TTC7B: variants seen among roughly 807,000 people sequenced by gnomAD.
TTC7B encodes the protein tetratricopeptide repeat domain 7B.
Under a neutral mutation model 106.8 loss-of-function variants are expected in TTC7B, and 28 were observed. The observed-to-expected ratio is 0.26, with a 90% CI of 0.19 to 0.36. The LOEUF is 0.36. Ranked by LOEUF, TTC7B falls within the 10% of genes least tolerant of loss-of-function variation. The pLI is 1.00. For synonymous variants in TTC7B, 405 were observed against 430.6 expected (o/e 0.94, Z 0.74); for missense variants, 862 against 1,076.4 (o/e 0.80, Z 2.79).
chr14:90,650,719 G>A (rs923124647), intron 13 of TTC7B, among the ~76,000 whole-genome samples: 41 of 152,344 alleles, frequency 2.7e-4, no homozygotes, highest in African/African-American at 9.4e-4. Context: ...GGATGTGAGA[G>A]CCTGCAGAAG....
intron 19 of TTC7B, among the ~76,000 whole-genome samples, chr14:90,569,206 G>A (rs1269004193): frequency 1.3e-5 from 2 of 152,224 alleles, no homozygotes; most frequent in Non-Finnish European, 2.9e-5. Flanking sequence ...AAAGGCCTCG[G>A]TGCTGTGGAA....
chr14:90,750,998 A>C (rs1465444811), intron 3 of TTC7B, among the ~76,000 whole-genome samples: 1 of 152,252 alleles, frequency 6.6e-6, no homozygotes, highest in Admixed American at 6.5e-5. Flanking sequence ...GTCATGGACA[A>C]AATTGGTCCC....
chr14:90,599,491 G>A (rs1218816839), intron 17 of TTC7B, among the ~76,000 whole-genome samples: 3 of 152,154 alleles, frequency 2.0e-5, no homozygotes, highest in East Asian at 1.9e-4. Context: ...GATGTCAGCC[G>A]ACCACCTCAC....
At chr14:90,722,519 C>T (rs1333047669) in intron 5 of TTC7B, among the ~76,000 whole-genome samples, 1 of 152,190 alleles carries the variant, frequency 6.6e-6, no homozygotes, top group African/African-American at 2.4e-5. Flanking sequence ...AATCTTCCAC[C>T]ATCATTCTGC....
Position 90,531,228 on chromosome 14 carries a change from C to G in TTC7B, c.*10140G>C, listed in dbSNP as rs115453502. 1 of 151,942 alleles carries G rather than the reference C, an allele frequency of 6.6e-6. No individual in the cohort carries two copies. The highest frequency in any genetic ancestry group is 2.4e-5 in the African/African-American group (1 of 41,334). 9.4% of individuals were successfully genotyped at this position (151,942 alleles called of 1,614,324 possible). ...GCTGATACAGTGGGTGTAGGTTTTACGATCACAAAAGAAAAGAAAAAGCTG... is the reference window on the plus strand; with the variant it reads ...GCTGATACAGTGGGTGTAGGTTTTAGGATCACAAAAGAAAAGAAAAAGCTG... On this transcript the variant is annotated 3_prime_UTR_variant, in exon 20 of 20. Transcript: ENST00000328459.
Position 90,552,205 on chromosome 14 carries a change from G to A in TTC7B, c.2311-10616C>T, listed in dbSNP as rs375819856. The stretch of plus-strand genomic sequence containing the variant: ...CACCTCTGCCCGTCAGAGCTCCACC[G>A]TGGGGTGGGACTCACACGCTGCCAC... On this transcript the variant is annotated intron_variant, in intron 19 of 19. Coordinates refer to ENST00000328459, the MANE Select transcript of TTC7B (RefSeq NM_001010854.2). Among the ~76,000 whole-genome samples the A allele has an allele frequency of 7.8e-4, 119 of 152,314 alleles. No homozygotes were observed. The South Asian group carries it at 0.02, about 26-fold the overall frequency.
intron 5 of TTC7B, among the ~76,000 whole-genome samples, chr14:90,711,377 T>C (rs1254536063): frequency 6.6e-6 from 1 of 152,158 alleles, no homozygotes; most frequent in Non-Finnish European, 1.5e-5. Context: ...TAACTTGAAG[T>C]TGACTGTGAT....
chr14:90,731,647 C>T (rs1595331886), intron 4 of TTC7B, among the ~76,000 whole-genome samples: 1 of 152,200 alleles, frequency 6.6e-6, no homozygotes, highest in Admixed American at 6.5e-5. Context: ...AGTTCCTCCT[C>T]TCTGGGAACC....
intron 19 of TTC7B, among the ~76,000 whole-genome samples, chr14:90,545,591 C>T (rs760287092): frequency 7.2e-5 from 11 of 152,204 alleles, no homozygotes; most frequent in Non-Finnish European, 1.2e-4. Flanking sequence ...GATGTGGAGA[C>T]CAGGAGGACC....
rs1484894505 is a variant in TTC7B, at chr14:90,624,080, G to A, written c.1752-6035C>T. Among the ~76,000 whole-genome samples, 1 of 152,176 alleles carries A rather than the reference G, an allele frequency of 6.6e-6. No individual in the cohort carries two copies. The highest frequency in any genetic ancestry group is 6.5e-5 in the Admixed American group (1 of 15,268). On this transcript the variant is annotated intron_variant, in intron 15 of 19. Transcript: ENST00000328459. The surrounding 1 kb of genome is among the most constrained non-coding windows in gnomAD (Gnocchi z 4.0). ...CATGAGTGTGCCTGTATGCATATGC[G>A]TGTGCGTGTATATGTGTGCATGTGT... is the stretch of plus-strand genomic sequence containing the variant.
intron 14 of TTC7B, among the ~76,000 whole-genome samples, 182 bp from the exon 15 acceptor site, chr14:90,644,390 T>C (rs2139882292): frequency 6.6e-6 from 1 of 152,262 alleles, no homozygotes; most frequent in South Asian, 2.1e-4. Flanking sequence ...CCCCAGGATA[T>C]TAACCACAAA....
At position 90,808,673 on chromosome 14, in the gene TTC7B, C is replaced by T. The variant is rs527252254; in HGVS notation, c.121+7502G>A. Among the ~76,000 whole-genome samples the T allele has an allele frequency of 2.8e-4, 43 of 152,328 alleles. No individual in the cohort carries two copies. Among genetic ancestry groups the T allele is most frequent in the African/African-American group, 1.0e-3 (42 of 41,562 alleles). On this transcript the variant is annotated intron_variant, in intron 1 of 19. Coordinates refer to ENST00000328459, the MANE Select transcript of TTC7B (RefSeq NM_001010854.2). This position sits in a 1 kb window ranked among gnomAD's most constrained non-coding sequence, Gnocchi z 4.2. The stretch of plus-strand genomic sequence containing the variant: ...GGGTCAGACATCCGCTCATCCTTGT[C>T]TTGGTGGCTGATGGGAATGCTTTTG...
chr14:90,687,340 A>G (rs1034420791), intron 7 of TTC7B, among the ~76,000 whole-genome samples: 13 of 152,208 alleles, frequency 8.5e-5, no homozygotes, highest in African/African-American at 2.9e-4. Context: ...TTTTGCTTCT[A>G]TAATTCTCCT....
intron 1 of TTC7B, among the ~76,000 whole-genome samples, chr14:90,799,756 G>A (rs1016634025): frequency 6.6e-6 from 1 of 152,196 alleles, no homozygotes; most frequent in African/African-American, 2.4e-5. Context: ...CAAGGGGTCT[G>A]GCATTCATGT....
chr14:90,564,707 G>C (rs1890716974), intron 19 of TTC7B, among the ~76,000 whole-genome samples: 1 of 152,152 alleles, frequency 6.6e-6, no homozygotes, highest in South Asian at 2.1e-4. Flanking sequence ...CCAGGAATTT[G>C]AGACCAGCAT....
intron 15 of TTC7B, among the ~76,000 whole-genome samples, chr14:90,621,690 A>T (rs1884196126): frequency 6.6e-6 from 1 of 152,094 alleles, no homozygotes; most frequent in South Asian, 2.1e-4. Flanking sequence ...CGTCGCCAAC[A>T]CTCCTTGGGA....
At position 90,786,265 on chromosome 14, in the gene TTC7B, A is replaced by C. The variant is rs760554525; in HGVS notation, c.185T>G (p.Leu62Arg). Residue 62 changes from leucine (L) to arginine (R), a missense_variant, in exon 2 of 20, where the codon CTG becomes CGG. Leu to Arg is a moderately radical substitution (Grantham distance 102). Transcript: ENST00000328459. ...KLEQYLKEHP[L>R]RQGASPRGPK... ...GCCTCGGGGACTGGCCCCCTGCCTC[A>C]GGGGGTGTTCCTTCAGGTACTGCTC... 1.2e-6 allele frequency: 2 copies of C among 1,612,884 alleles called. No individual in the cohort carries two copies. Among genetic ancestry groups the C allele is most frequent in the Non-Finnish European group, 1.7e-6 (2 of 1,179,496 alleles).
At chr14:90,647,179 T>G (rs1217286071) in intron 13 of TTC7B, 156 bp from the exon 14 acceptor site, 1 of 657,682 alleles carries the variant, frequency 1.5e-6, no homozygotes, top group East Asian at 2.8e-5. Context: ...TTTGTCCACC[T>G]ACACATGTAA....
At chr14:90,763,045 C>T (rs1890551944) in intron 3 of TTC7B, among the ~76,000 whole-genome samples, 1 of 152,296 alleles carries the variant, frequency 6.6e-6, no homozygotes, top group East Asian at 1.9e-4. Context: ...ACAACTCATC[C>T]TATGACACCA....
Sources: allele counts gnomAD v4.1 joint callset (sites outside exome capture counted in the v4.1 genomes callset), GRCh38; gene constraint gnomAD v4.1.1; non-coding constraint Gnocchi (gnomAD v3.1); transcripts MANE v1.5; gene names NCBI Gene and HGNC (gene_info 2026-07-23, HGNC 2026-07-21).